The following ALOX5 variants were observed in gnomAD, a reference collection of about 807,000 sequenced individuals.
The protein encoded by ALOX5 is arachidonate 5-lipoxygenase.
In ALOX5, 64 loss-of-function variants were observed where a neutral mutation model predicts 87.9. That is an observed-to-expected ratio of 0.73 (90% CI 0.60 to 0.90). The LOEUF is 0.90. Among genes scored for constraint, ALOX5 ranks in the 40% least tolerant of loss-of-function variants. ALOX5 has a pLI of 0.00. For missense variants in ALOX5, 822 were observed against 907.5 expected (o/e 0.91, Z 1.21); for synonymous variants, 388 against 355.1 (o/e 1.09, Z -1.04).
chr10:45,402,242 C>G (rs117328405), intron 3 of ALOX5, among the ~76,000 whole-genome samples: 1 of 152,294 alleles, frequency 6.6e-6, no homozygotes, highest in Non-Finnish European at 1.5e-5. Context: ...CCTTCTTCCC[C>G]TATGCCCAGC....
chr10:45,416,221 G>A (rs939242690), intron 4 of ALOX5, among the ~76,000 whole-genome samples: 2 of 152,118 alleles, frequency 1.3e-5, no homozygotes, highest in African/African-American at 2.4e-5. Flanking sequence ...CCATTTCTAG[G>A]TGAGGAAACT....
chr10:45,423,813 C>T (rs1180523169), intron 4 of ALOX5, among the ~76,000 whole-genome samples: 1 of 152,136 alleles, frequency 6.6e-6, no homozygotes, highest in African/African-American at 2.4e-5. Context: ...GCACTGCAGG[C>T]TATTCTGGAG....
chr10:45,419,436 G>A (rs868102354), intron 4 of ALOX5, among the ~76,000 whole-genome samples: 21 of 152,320 alleles, frequency 1.4e-4, no homozygotes, highest in Middle Eastern at 3.4e-3. Context: ...ACAAGGGACG[G>A]GGGAGAGGGA....
chr10:45,379,136 A>G (rs1181713781), intron 1 of ALOX5, among the ~76,000 whole-genome samples: 9 of 151,958 alleles, frequency 5.9e-5, no homozygotes, highest in Admixed American at 5.9e-4. Flanking sequence ...TCCCTGTGGG[A>G]CCTGCCCAGT....
intron 2 of ALOX5, among the ~76,000 whole-genome samples, chr10:45,386,068 G>A (rs889511192): frequency 1.3e-5 from 2 of 152,092 alleles, no homozygotes; most frequent in Admixed American, 6.6e-5. Flanking sequence ...GCTAGGGGCC[G>A]AGGCGGGTGG....
Position 45,412,064 on chromosome 10 carries a change from G to A in ALOX5, c.432-127G>A, listed in dbSNP as rs944057937. 4 of 1,386,558 alleles carry A rather than the reference G, an allele frequency of 2.9e-6. No individual in the cohort carries two copies. The African/African-American group carries it at 5.7e-5, about 20-fold the overall frequency. The allele number at this position is 1,386,558 out of a possible 1,614,324, so 85.9% of individuals were successfully genotyped here. ...TGGACACAGGGTCAGCCTATGATGT[G>A]TTGACTTTATTTTGAGTACATCAAT... On this transcript the variant is annotated intron_variant, in intron 3 of 13. Transcript: ENST00000374391.
intron 4 of ALOX5, 127 bp downstream of exon 4, chr10:45,412,440 T>G (rs1282027895): frequency 7.9e-7 from 1 of 1,266,900 alleles, no homozygotes; most frequent in Non-Finnish European, 1.1e-6. Flanking sequence ...CCAAACGCTT[T>G]GATGATATGT....
rs1412227079 is a variant in ALOX5, at chr10:45,374,435, C to G, written c.150+6C>G. On this transcript the variant is annotated splice_donor_region_variant and intron_variant, in intron 1 of 13. Transcript: ENST00000374391. Reference sequence around the variant, plus strand: ...ACGACTTCGAGCGTGGCGCGGTGAGCGCGGGCGGGGCACGGGTGGAGCGCG... The same window carrying G: ...ACGACTTCGAGCGTGGCGCGGTGAGGGCGGGCGGGGCACGGGTGGAGCGCG... The G allele has an allele frequency of 6.5e-7, 1 of 1,546,584 alleles. No individual in the cohort carries two copies. Among genetic ancestry groups the G allele is most frequent in the East Asian group, 2.5e-5 (1 of 39,474 alleles).
At chr10:45,378,924 G>T (rs1488206652) in intron 1 of ALOX5, among the ~76,000 whole-genome samples, 1 of 152,138 alleles carries the variant, frequency 6.6e-6, no homozygotes, top group Non-Finnish European at 1.5e-5. Context: ...TTGTAAATCT[G>T]CCTAGTGATT....
intron 4 of ALOX5, among the ~76,000 whole-genome samples, chr10:45,418,752 C>T (rs1013972001): frequency 6.6e-6 from 1 of 152,134 alleles, no homozygotes; most frequent in Non-Finnish European, 1.5e-5. Flanking sequence ...AAGTGGTTTG[C>T]GAAATTTCCT....
intron 1 of ALOX5, among the ~76,000 whole-genome samples, chr10:45,378,103 T>C (rs1839692317): frequency 6.6e-6 from 1 of 152,102 alleles, no homozygotes; most frequent in African/African-American, 2.4e-5. Context: ...ACATCTGAAA[T>C]GTGCTACCCA....
intron 2 of ALOX5, among the ~76,000 whole-genome samples, chr10:45,392,129 G>A (rs1307172060): frequency 1.3e-5 from 2 of 151,858 alleles, no homozygotes; most frequent in Non-Finnish European, 2.9e-5. Context: ...TCCGGGAGGT[G>A]AGGGGTGCCT....
intron 2 of ALOX5, among the ~76,000 whole-genome samples, chr10:45,388,026 C>T (rs1840064886): frequency 6.6e-6 from 1 of 152,188 alleles, no homozygotes; most frequent in African/African-American, 2.4e-5. Flanking sequence ...CAGGGAATTC[C>T]CTTTCCTAGC....
intron 7 of ALOX5, among the ~76,000 whole-genome samples, chr10:45,437,686 G>A (rs1396431538): frequency 6.6e-6 from 1 of 152,172 alleles, no homozygotes; most frequent in Admixed American, 6.5e-5. Context: ...CCTTTCATAA[G>A]CAACTTCCTC....
intron 1 of ALOX5, among the ~76,000 whole-genome samples, chr10:45,380,456 T>A (rs1839786135): frequency 1.3e-5 from 2 of 152,252 alleles, no homozygotes; most frequent in Middle Eastern, 3.4e-3. Flanking sequence ...TGGAAAACAC[T>A]CAAGTTCCCA....
intron 3 of ALOX5, among the ~76,000 whole-genome samples, chr10:45,398,082 T>C (rs1031121255): frequency 6.6e-6 from 1 of 152,188 alleles, no homozygotes; most frequent in Non-Finnish European, 1.5e-5. Context: ...CTTGCACTTC[T>C]CAATATCAAA....
rs369749993 is a variant in ALOX5 at position 45,384,833 on chromosome 10, C to CTATTATTATTATTATTATTAT, written c.349+2157_349+2177dup. On this transcript the variant is annotated intron_variant, in intron 2 of 13. Coordinates refer to ENST00000374391, the MANE Select transcript of ALOX5 (RefSeq NM_000698.5). ...GAAGGAATGTCAAAGAATTTGTGGC[C>CTATTATTATTATTATTATTAT]TATTATTATTATTATTATTATTATT... 1.4e-3 allele frequency among the ~76,000 whole-genome samples: 207 copies of CTATTATTATTATTATTATTAT among 149,238 alleles called. 1 individual carries two copies. The highest frequency in any genetic ancestry group is 4.9e-3 in the African/African-American group (200 of 40,572).
chr10:45,391,948 A>G lies in ALOX5; in HGVS notation c.350-3907A>G, dbSNP rs1219073308. Among the ~76,000 whole-genome samples the G allele has an allele frequency of 2.7e-5, 4 of 147,736 alleles. No individual in the cohort carries two copies. In the East Asian group the frequency reaches 6.1e-4, roughly 22 times the overall value. ...CAGCCGCCCCGTCTGGGAAGTGAGG[A>G]GCGTCTCCGCCCGGCAGCCACCCTG... is the stretch of plus-strand genomic sequence containing the variant. On this transcript the variant is annotated intron_variant, in intron 2 of 13. Coordinates refer to ENST00000374391, the MANE Select transcript of ALOX5 (RefSeq NM_000698.5).
rs929124117 is a variant in ALOX5 at position 45,440,124 on chromosome 10, G to A, written c.982-306G>A. ...CCGCTGCTGGGCCTTCGGCCTGCCC[G>A]CTCCTTCCATGCTGCCAGCTCCTGA... is the stretch of plus-strand genomic sequence containing the variant. On this transcript the variant is annotated intron_variant, in intron 7 of 13. Coordinates refer to ENST00000374391, the MANE Select transcript of ALOX5 (RefSeq NM_000698.5). 5.3e-5 allele frequency among the ~76,000 whole-genome samples: 8 copies of A among 152,178 alleles called. 1 individual carries two copies. The highest frequency in any genetic ancestry group is 4.1e-4 in the South Asian group (2 of 4,828).
Sources: allele counts gnomAD v4.1 joint callset (sites outside exome capture counted in the v4.1 genomes callset), GRCh38; gene constraint gnomAD v4.1.1; transcripts MANE v1.5; gene names NCBI Gene and HGNC (gene_info 2026-07-23, HGNC 2026-07-21).